ATP8B4: variants seen among roughly 807,000 people sequenced by gnomAD.
ATP8B4 encodes the protein ATPase phospholipid transporting 8B4 (putative), also known as probable phospholipid-transporting ATPase IM.
ATP8B4 carries 133 observed loss-of-function variants against 145.6 expected under a neutral mutation model. That is an observed-to-expected ratio of 0.91 (90% confidence interval 0.79 to 1.05). The LOEUF (loss-of-function observed/expected upper bound fraction) is 1.05, where lower values mean the gene tolerates loss of function less well. Ranked by LOEUF, ATP8B4 falls within the 50% of genes least tolerant of loss-of-function variation. The probability of loss-of-function intolerance (pLI) is 0.00; values close to 1 mark genes in which losing one functional copy is unlikely to be tolerated. For synonymous variants in ATP8B4, 507 were observed against 492.9 expected (o/e 1.03, Z -0.38); for missense variants, 1,458 against 1,425.2 (o/e 1.02, Z -0.37).
chr15:50,107,718 T>C (rs561273608), intron 1 of ATP8B4, among the ~76,000 whole-genome samples: 2 of 152,178 alleles, frequency 1.3e-5, no homozygotes, highest in East Asian at 1.9e-4. Context: ...ACATGCTCTT[T>C]CAGTTAGAAA....
chr15:49,913,124 C>CT lies in ATP8B4; in HGVS notation c.2141+3809dup, dbSNP rs543634812. ...GAAAGCCAGGTGACAGAGCACCTGGCTTTTTTTTTTGTGTCTCAAAGAAAA... is the reference window on the plus strand; with the variant it reads ...GAAAGCCAGGTGACAGAGCACCTGGCTTTTTTTTTTTGTGTCTCAAAGAAAA... On this transcript the variant is annotated intron_variant, in intron 20 of 27. Coordinates refer to ENST00000284509, the MANE Select transcript of ATP8B4 (RefSeq NM_024837.4). 3.9e-4 allele frequency among the ~76,000 whole-genome samples: 54 copies of CT among 139,432 alleles called. 2 individuals carry two copies. Among genetic ancestry groups the CT allele is most frequent in the East Asian group, 1.2e-3 (6 of 4,962 alleles). The allele number at this position is 139,432 out of a possible 152,430, so 91.5% of individuals were successfully genotyped here. A position where few individuals can be genotyped will look rare whatever the true frequency, so the allele number is the denominator to read the frequency against.
chr15:49,981,959 G>A (rs1052955467), intron 10 of ATP8B4, among the ~76,000 whole-genome samples: 1 of 152,200 alleles, frequency 6.6e-6, no homozygotes, highest in Non-Finnish European at 1.5e-5. Flanking sequence ...TGCTTTAGAA[G>A]TGGGTTATTA....
At chr15:49,936,652 G>A (rs538539536) in intron 14 of ATP8B4, among the ~76,000 whole-genome samples, 4 of 152,144 alleles carry the variant, frequency 2.6e-5, no homozygotes, top group African/African-American at 9.6e-5. Flanking sequence ...GAGTATTCAG[G>A]AGACTCTTTC....
chr15:49,981,158 G>T (rs569802468), intron 11 of ATP8B4, 48 bp downstream of exon 11: 2 of 1,394,536 alleles, frequency 1.4e-6, no homozygotes, highest in Admixed American at 3.7e-5. Context: ...TTCAGTAAAT[G>T]TACTAAGATA....
chr15:50,015,486 T>G (rs913844835), intron 6 of ATP8B4, among the ~76,000 whole-genome samples: 16 of 152,206 alleles, frequency 1.1e-4, no homozygotes, highest in Admixed American at 3.3e-4. Flanking sequence ...ACATCTATAT[T>G]TATTGTTGCT....
intron 1 of ATP8B4, among the ~76,000 whole-genome samples, chr15:50,113,972 G>A (rs539666504): frequency 9.9e-4 from 150 of 151,154 alleles, no homozygotes; most frequent in Non-Finnish European, 1.7e-3. Flanking sequence ...TAATTGTTGT[G>A]AGTTGTCATG....
intron 25 of ATP8B4, among the ~76,000 whole-genome samples, chr15:49,867,743 TAAC>T (rs1210685929): frequency 2.6e-5 from 4 of 152,178 alleles, no homozygotes; most frequent in East Asian, 1.9e-4. Flanking sequence ...ACAAGCACGA[TAAC>T]AACAACAAAA....
In ATP8B4 at chr15:50,003,755, A is replaced by G. The variant is rs533048298; in HGVS notation, c.436-1532T>C. Among the ~76,000 whole-genome samples, 4 of 152,282 alleles carry G rather than the reference A, an allele frequency of 2.6e-5. No homozygotes were observed. The East Asian group carries it at 7.7e-4, about 29-fold the overall frequency. ...AATCTGTGATTGAATATAGAGAAAG[A>G]TGCCTATTTGTACCCAGGGCTGCTT... On this transcript the variant is annotated intron_variant, in intron 7 of 27. Transcript: ENST00000284509.
intron 14 of ATP8B4, among the ~76,000 whole-genome samples, chr15:49,957,977 C>A (rs995483227): frequency 6.6e-6 from 1 of 151,654 alleles, no homozygotes; most frequent in African/African-American, 2.4e-5. Context: ...TCTTAAGGGT[C>A]CTGAAACATT....
chr15:49,890,755 A>G (rs1029666141), intron 23 of ATP8B4, among the ~76,000 whole-genome samples: 37 of 152,248 alleles, frequency 2.4e-4, no homozygotes, highest in African/African-American at 8.9e-4. Context: ...AGGCCCTTCC[A>G]GTGAAAAACA....
In ATP8B4 at chr15:49,859,937, A is replaced by T. The variant is rs1485730436; in HGVS notation, c.*257T>A. 8 of 278,382 alleles carry T rather than the reference A, an allele frequency of 2.9e-5. No individual in the cohort carries two copies. The highest frequency in any genetic ancestry group is 4.5e-5 in the Non-Finnish European group (7 of 155,058). 17.2% of individuals were successfully genotyped at this position (278,382 alleles called of 1,614,324 possible). On this transcript the variant is annotated 3_prime_UTR_variant, in exon 28 of 28. Transcript: ENST00000284509. Reference sequence around the variant, plus strand: ...TCAATTGGTATCTAGGTTGATTTAAAAAAAAAAAAAATCTGTACTTGTAAC... The same window carrying T: ...TCAATTGGTATCTAGGTTGATTTAATAAAAAAAAAAATCTGTACTTGTAAC...
chr15:50,116,127 A>G (rs1032078712), intron 1 of ATP8B4, among the ~76,000 whole-genome samples: 57 of 152,104 alleles, frequency 3.7e-4, no homozygotes, highest in Admixed American at 3.7e-3. Context: ...TCTATAAATG[A>G]TCTGTATGGG....
At chr15:50,177,830 G>A (rs1017618661) in intron 1 of ATP8B4, among the ~76,000 whole-genome samples, 1 of 152,194 alleles carries the variant, frequency 6.6e-6, no homozygotes, top group African/African-American at 2.4e-5. Context: ...TTCCCCAGGT[G>A]ATTCTCAGAC....
chr15:49,873,060 G>A (rs573247198), intron 25 of ATP8B4, among the ~76,000 whole-genome samples: 2 of 152,160 alleles, frequency 1.3e-5, no homozygotes, highest in Non-Finnish European at 2.9e-5. Context: ...AATTATTCCT[G>A]TTTGAACAAG....
chr15:50,088,758 T>C (rs2055390515), intron 2 of ATP8B4, among the ~76,000 whole-genome samples: 1 of 152,200 alleles, frequency 6.6e-6, no homozygotes, highest in African/African-American at 2.4e-5. Flanking sequence ...TTCACAGCTG[T>C]ACCTGCAACC....
intron 1 of ATP8B4, among the ~76,000 whole-genome samples, chr15:50,161,859 T>C (rs891385814): frequency 6.6e-6 from 1 of 152,210 alleles, no homozygotes; most frequent in Non-Finnish European, 1.5e-5. Context: ...GTGAGTTTTG[T>C]ACCGTCAGAT....
chr15:50,028,957 G>A (rs75329076), intron 6 of ATP8B4, among the ~76,000 whole-genome samples: 4,272 of 152,062 alleles, frequency 0.028, 205 homozygotes, highest in African/African-American at 0.099. Context: ...AACTTTGGCC[G>A]GGCGCAGTGG....
At chr15:49,938,227 T>TAA (rs1343879958) in intron 14 of ATP8B4, among the ~76,000 whole-genome samples, 21 of 152,228 alleles carry the variant, frequency 1.4e-4, no homozygotes, top group African/African-American at 4.8e-4. Context: ...TACCACACAA[T>TAA]AGAAACTATA....
At chr15:50,033,316 G>C (rs1250157354) in intron 6 of ATP8B4, among the ~76,000 whole-genome samples, 1 of 152,136 alleles carries the variant, frequency 6.6e-6, no homozygotes, top group Non-Finnish European at 1.5e-5. Flanking sequence ...AAAGTGTCAG[G>C]GAAATATCCC....
Sources: allele counts gnomAD v4.1 joint callset (sites outside exome capture counted in the v4.1 genomes callset), GRCh38; gene constraint gnomAD v4.1.1; transcripts MANE v1.5; gene names NCBI Gene and HGNC (gene_info 2026-07-23, HGNC 2026-07-21).